Variants in SOX5 observed in about 807,000 individuals in gnomAD.
SOX5 encodes transcription factor SOX-5.
A neutral mutation model predicts 92.0 loss-of-function variants in SOX5; 9 were observed. That is an observed-to-expected ratio of 0.10 (90% CI 0.06 to 0.17). SOX5 has a LOEUF of 0.17. SOX5 is among the 10% of genes least tolerant of loss of function. The pLI, the probability that SOX5 is intolerant of heterozygous loss-of-function variation, is 1.00. For synonymous variants in SOX5, 344 were observed against 336.3 expected, an observed-to-expected ratio of 1.02 and a Z score of -0.25; for missense variants, 642 against 944.5, an observed-to-expected ratio of 0.68 and a Z score of 4.20.
intron 4 of SOX5, among the ~76,000 whole-genome samples, chr12:24,078,485 G>T (rs553856093): frequency 2.0e-4 from 31 of 152,048 alleles, no homozygotes; most frequent in Non-Finnish European, 3.5e-4. Context: ...CTGTTTGCCT[G>T]GCTTAGGTGT....
At chr12:23,861,557 T>A (rs1364832800) in intron 2 of SOX5, among the ~76,000 whole-genome samples, 1 of 152,184 alleles carries the variant, frequency 6.6e-6, no homozygotes, top group East Asian at 1.9e-4. Flanking sequence ...TGGATATTTC[T>A]GCTATCCCAA....
chr12:24,014,249 G>A (rs1953306093), intron 4 of SOX5, among the ~76,000 whole-genome samples: 1 of 152,066 alleles, frequency 6.6e-6, no homozygotes, highest in African/African-American at 2.4e-5. Context: ...TCCTCTCTTA[G>A]CGCCTCCTTT....
chr12:24,357,927 AT>A (rs1417654683), intron 2 of SOX5, among the ~76,000 whole-genome samples: 1 of 152,024 alleles, frequency 6.6e-6, no homozygotes, highest in African/African-American at 2.4e-5. Context: ...AATTTTCTAT[AT>A]TTTAAGACTT....
rs550287732 is a variant in SOX5, at chr12:23,649,875, AT to A, written c.932-8979del. 3.4e-3 allele frequency among the ~76,000 whole-genome samples: 510 copies of A among 152,204 alleles called. 6 individuals are homozygous for A. Among genetic ancestry groups the A allele is most frequent in the African/African-American group, 0.012 (488 of 41,546 alleles). On this transcript the variant is annotated intron_variant, in intron 7 of 14. Coordinates refer to ENST00000451604, the MANE Select transcript of SOX5 (RefSeq NM_006940.6). ...TATTTAGGATGAAGGAAAATGTGAA[AT>A]GCAGATGTGGTTTTAACAAGACTCA...
intron 2 of SOX5, among the ~76,000 whole-genome samples, chr12:23,875,269 T>A (rs1327306337): frequency 1.5e-5 from 2 of 133,792 alleles, no homozygotes; most frequent in Non-Finnish European, 3.2e-5. Context: ...TGAAGAGAAA[T>A]TGTATATTAA....
At chr12:24,347,517 T>C (rs1278655109) in intron 2 of SOX5, among the ~76,000 whole-genome samples, 1 of 152,220 alleles carries the variant, frequency 6.6e-6, no homozygotes, top group Non-Finnish European at 1.5e-5. Context: ...TCTCATTAAC[T>C]ATAATCACAA....
intron 2 of SOX5, among the ~76,000 whole-genome samples, chr12:24,316,296 C>G (rs1949693034): frequency 6.6e-6 from 1 of 152,134 alleles, no homozygotes; most frequent in African/African-American, 2.4e-5. Context: ...GTCACACTTT[C>G]TACCACCAAG....
At chr12:23,989,249 A>G (rs1283288427) in intron 4 of SOX5, among the ~76,000 whole-genome samples, 1 of 146,760 alleles carries the variant, frequency 6.8e-6, no homozygotes, top group Non-Finnish European at 1.5e-5. Flanking sequence ...AAAATTAGCT[A>G]GGCGTGGTGT....
intron 6 of SOX5, among the ~76,000 whole-genome samples, chr12:23,682,748 T>G (rs1174673569): frequency 4.0e-5 from 6 of 151,782 alleles, no homozygotes; most frequent in Non-Finnish European, 1.5e-5. Flanking sequence ...AAATATTACA[T>G]GTTTGAAAAA....
chr12:24,446,532 G>C (rs1193383271), intron 1 of SOX5, among the ~76,000 whole-genome samples: 1 of 152,184 alleles, frequency 6.6e-6, no homozygotes, highest in Non-Finnish European at 1.5e-5. Context: ...AGAGAGATGA[G>C]CAAGAACTGG....
chr12:23,900,869 G>A (rs894928935), intron 1 of SOX5, among the ~76,000 whole-genome samples: 3 of 151,846 alleles, frequency 2.0e-5, no homozygotes, highest in Non-Finnish European at 4.4e-5. Context: ...CTGAGGCAGG[G>A]GAATCACTTG....
intron 3 of SOX5, among the ~76,000 whole-genome samples, chr12:23,800,675 T>A (rs1291647404): frequency 6.6e-6 from 1 of 152,104 alleles, no homozygotes; most frequent in Non-Finnish European, 1.5e-5. Flanking sequence ...TATTAAATGC[T>A]CCTCTAAAGT....
At chr12:24,079,462 A>AT (rs1209751342) in intron 4 of SOX5, among the ~76,000 whole-genome samples, 6 of 151,904 alleles carry the variant, frequency 3.9e-5, no homozygotes, top group Non-Finnish European at 8.8e-5. Flanking sequence ...TAAATAGTAC[A>AT]TTTTTGCATA....
intron 9 of SOX5, among the ~76,000 whole-genome samples, chr12:23,584,997 T>A (rs1323528005): frequency 6.6e-6 from 1 of 151,988 alleles, no homozygotes; most frequent in African/African-American, 2.4e-5. Flanking sequence ...TAGAAAAAAA[T>A]TTACTAGATA....
In SOX5 at chr12:23,530,909, CTG is replaced by C. The variant is rs1035451298; in HGVS notation, c.*3308_*3309del. On this transcript the variant is annotated 3_prime_UTR_variant, in exon 15 of 15. Transcript: ENST00000451604. ...GGTAAGAAAGCAGACAGGAAGGAGA[CTG>C]TTTATGTTTTAGTTTGATCTTTTGA... 3.2e-4 allele frequency: 48 copies of C among 150,432 alleles called. No individual in the cohort carries two copies. The highest frequency in any genetic ancestry group is 1.1e-3 in the African/African-American group (47 of 41,106). 9.3% of individuals were successfully genotyped at this position (150,432 alleles called of 1,614,324 possible). A position where few individuals can be genotyped will look rare whatever the true frequency, so the allele number is the denominator to read the frequency against.
Position 23,679,400 on chromosome 12 carries a change from C to CTGA in SOX5, c.811-13839_811-13837dup, listed in dbSNP as rs201429045. Among the ~76,000 whole-genome samples the CTGA allele has an allele frequency of 5.0e-3, 762 of 152,194 alleles. 4 individuals carry two copies. The highest frequency in any genetic ancestry group is 0.018 in the African/African-American group (743 of 41,524). ...AATACCACTGACGCTGCTGCTGCTG[C>CTGA]TGATGATGATGATTCTTTGACAAAT... On this transcript the variant is annotated intron_variant, in intron 6 of 14. Coordinates refer to ENST00000451604, the MANE Select transcript of SOX5 (RefSeq NM_006940.6).
chr12:23,578,863 T>G (rs1949636861), intron 9 of SOX5, among the ~76,000 whole-genome samples: 1 of 152,192 alleles, frequency 6.6e-6, no homozygotes, highest in African/African-American at 2.4e-5. Flanking sequence ...TCATCATAAC[T>G]CTTGCAAAAG....
At chr12:24,301,123 A>G (rs965913698) in intron 2 of SOX5, among the ~76,000 whole-genome samples, 1 of 152,218 alleles carries the variant, frequency 6.6e-6, no homozygotes, top group Admixed American at 6.5e-5. Context: ...AGGGACAAGC[A>G]GCCCGCAAGC....
chr12:24,465,998 A>C (rs559124077), intron 1 of SOX5, among the ~76,000 whole-genome samples: 37 of 152,338 alleles, frequency 2.4e-4, no homozygotes, highest in African/African-American at 8.9e-4. Context: ...TACACTAATA[A>C]TACTACCCTA....
Sources: allele counts gnomAD v4.1 joint callset (sites outside exome capture counted in the v4.1 genomes callset), GRCh38; gene constraint gnomAD v4.1.1; transcripts MANE v1.5; gene names NCBI Gene and HGNC (gene_info 2026-07-23, HGNC 2026-07-21).